The following TOM1L1 variants were observed in gnomAD, a reference collection of about 807,000 sequenced individuals.
The protein encoded by TOM1L1 is TOM1-like protein 1.
A neutral mutation model predicts 63.4 loss-of-function variants in TOM1L1; 64 were observed. The ratio of observed to expected loss-of-function variants is 1.01; its 90% CI spans 0.83 to 1.24. The LOEUF (loss-of-function observed/expected upper bound fraction) is 1.24. Among genes scored for constraint, TOM1L1 ranks in the 50% most tolerant of loss-of-function variants. TOM1L1 has a pLI of 0.00. For synonymous variants in TOM1L1, 166 were observed against 194.4 expected, an observed-to-expected ratio of 0.85 and a Z score of 1.22; for missense variants, 536 against 567.0, an observed-to-expected ratio of 0.95 and a Z score of 0.55.
intron 11 of TOM1L1, among the ~76,000 whole-genome samples, chr17:54,945,599 T>C (rs947931411): frequency 6.6e-6 from 1 of 152,220 alleles, no homozygotes; most frequent in Non-Finnish European, 1.5e-5. Context: ...TTGGACACTT[T>C]CTGTGATTTA....
chr17:54,954,655 A>G (rs1364480377), intron 14 of TOM1L1: 1 of 152,176 alleles, frequency 6.6e-6, no homozygotes, highest in Non-Finnish European at 1.5e-5. Context: ...AGAGGGCCTC[A>G]CTTCTCTTGG....
At chr17:54,923,682 A>G (rs779985809) in intron 7 of TOM1L1, among the ~76,000 whole-genome samples, 2 of 152,026 alleles carry the variant, frequency 1.3e-5, no homozygotes, top group South Asian at 2.1e-4. Flanking sequence ...AGTAGCTGAG[A>G]CTATAGGTGC....
intron 6 of TOM1L1, among the ~76,000 whole-genome samples, chr17:54,915,539 C>G (rs2048572972): frequency 6.6e-6 from 1 of 151,986 alleles, no homozygotes; most frequent in Admixed American, 6.5e-5. Flanking sequence ...GGGTTTATTA[C>G]AAGAGATCTC....
intron 12 of TOM1L1, among the ~76,000 whole-genome samples, chr17:54,948,311 C>G (rs2049153735): frequency 6.6e-6 from 1 of 152,038 alleles, no homozygotes; most frequent in African/African-American, 2.4e-5. Context: ...TATTATGTCA[C>G]TCATTTGCTC....
At chr17:54,903,835 GCATCAGAACTACA>G (rs760024917) in intron 2 of TOM1L1, 43 bp downstream of exon 2, 2 of 1,541,582 alleles carry the variant, frequency 1.3e-6, no homozygotes, top group Admixed American at 3.4e-5. Flanking sequence ...CTGACAAGAA[GCATCAGAACTACA>G]GCACGTTTTC....
chr17:54,954,656 C>T (rs1469447775), intron 14 of TOM1L1: 1 of 152,260 alleles, frequency 6.6e-6, no homozygotes, highest in African/African-American at 2.4e-5. Flanking sequence ...GAGGGCCTCA[C>T]TTCTCTTGGA....
At chr17:54,935,127 C>T (rs2048925403) in intron 8 of TOM1L1, among the ~76,000 whole-genome samples, 1 of 152,132 alleles carries the variant, frequency 6.6e-6, no homozygotes, top group African/African-American at 2.4e-5. Context: ...AGCAATAAAG[C>T]TGTTTATTTC....
rs190375354 is a variant in TOM1L1, at chr17:54,961,380, T to C, written c.*147T>C. 857 of 1,549,912 alleles carry C rather than the reference T, an allele frequency of 5.5e-4. 6 individuals are homozygous for C. In the African/African-American group the frequency reaches 0.011, roughly 19 times the overall value. On this transcript the variant is annotated 3_prime_UTR_variant, in exon 16 of 16. Transcript: ENST00000575882. ...CATTTCTGCTATAATGAAGATTAAATAGAATAACAGTTCCAGGATAACACT... is the reference window on the plus strand; with the variant it reads ...CATTTCTGCTATAATGAAGATTAAACAGAATAACAGTTCCAGGATAACACT...
chr17:54,907,546 TA>T (rs1426843476), intron 3 of TOM1L1, among the ~76,000 whole-genome samples: 1 of 152,128 alleles, frequency 6.6e-6, no homozygotes, highest in African/African-American at 2.4e-5. Context: ...TCTTCCTGTG[TA>T]GTACAGGGCC....
chr17:54,906,675 TTTAAGCAA>T, intron 3 of TOM1L1: 1 of 775,122 alleles, frequency 1.3e-6, no homozygotes, highest in Non-Finnish European at 1.6e-6. Context: ...TCTATGTTGG[TTTAAGCAA>T]TTCTCCTGTG....
chr17:54,908,635 C>A (rs1275175749), intron 3 of TOM1L1, among the ~76,000 whole-genome samples: 2 of 152,060 alleles, frequency 1.3e-5, no homozygotes, highest in East Asian at 3.9e-4. Context: ...TTTGACGGAA[C>A]CTGACTGTAC....
chr17:54,914,560 G>T, intron 5 of TOM1L1, 79 bp from the exon 6 acceptor site: 1 of 1,138,776 alleles, frequency 8.8e-7, no homozygotes, highest in South Asian at 1.3e-5. Flanking sequence ...GAGTGCTTGA[G>T]TTAGCTGAAT....
At chr17:54,907,266 A>C (rs769428443) in intron 3 of TOM1L1, among the ~76,000 whole-genome samples, 1 of 151,732 alleles carries the variant, frequency 6.6e-6, no homozygotes, top group Non-Finnish European at 1.5e-5. Context: ...ATGATGGGTC[A>C]CTGATAGAAA....
chr17:54,949,143 T>C (rs2049168582), intron 12 of TOM1L1, among the ~76,000 whole-genome samples: 1 of 151,778 alleles, frequency 6.6e-6, no homozygotes, highest in African/African-American at 2.4e-5. Context: ...AGGCTCGTGA[T>C]CCTCCTGCCT....
intron 3 of TOM1L1, among the ~76,000 whole-genome samples, chr17:54,912,170 A>G (rs1039972865): frequency 1.3e-5 from 2 of 152,146 alleles, no homozygotes; most frequent in African/African-American, 4.8e-5. Flanking sequence ...GCCTTTTCCA[A>G]AAGTCTTGTA....
intron 14 of TOM1L1, chr17:54,959,272 G>A (rs1275592394): frequency 6.6e-6 from 1 of 152,124 alleles, no homozygotes; most frequent in Non-Finnish European, 1.5e-5. Flanking sequence ...TGAATGTTGT[G>A]CTTTCAGGTA....
intron 12 of TOM1L1, among the ~76,000 whole-genome samples, chr17:54,949,203 A>ATTTTTTTTTTTTTT (rs58407367): frequency 1.1e-4 from 13 of 122,278 alleles, no homozygotes; most frequent in African/African-American, 2.9e-4. Context: ...ATGCCCAGCT[A>ATTTTTTTTTTTTTT]TTTTTTTTTT....
Position 54,936,658 on chromosome 17 carries a change from A to C in TOM1L1, c.864A>C (p.Arg288Ser). 6.2e-7 allele frequency: 1 copy of C among 1,605,626 alleles called. No homozygotes were observed. The highest frequency in any genetic ancestry group is 8.5e-7 in the Non-Finnish European group (1 of 1,177,832). Residue 288 changes from arginine to serine, a missense_variant, in exon 9 of 16, where the codon AGA becomes AGC. Physicochemically the swap from Arg to Ser is moderately radical, Grantham distance 110. Transcript: ENST00000575882. Reference sequence around the variant, plus strand: ...TTGATCATTTAAACAGGTTTACTAGAAACCAACAAAGGATTTTGGAGCAAA... The same window carrying C: ...TTGATCATTTAAACAGGTTTACTAGCAACCAACAAAGGATTTTGGAGCAAA... ...NAILGYERFT[R>S]NQQRILEQNK...
intron 8 of TOM1L1, among the ~76,000 whole-genome samples, chr17:54,933,187 T>G (rs1372988520): frequency 6.6e-6 from 1 of 152,210 alleles, no homozygotes; most frequent in African/African-American, 2.4e-5. Context: ...TTGCAACAGC[T>G]AGAGGCTGTT....
Sources: allele counts gnomAD v4.1 joint callset (sites outside exome capture counted in the v4.1 genomes callset), GRCh38; gene constraint gnomAD v4.1.1; transcripts MANE v1.5; gene names NCBI Gene and HGNC (gene_info 2026-07-23, HGNC 2026-07-21).